Variants in EPS8 observed in about 807,000 individuals in gnomAD.
EPS8 encodes EGFR pathway substrate 8, signaling adaptor.
A neutral mutation model predicts 103.8 loss-of-function variants in EPS8; 42 were observed. The ratio of observed to expected loss-of-function variants is 0.40; its 90% CI spans 0.32 to 0.52. The LOEUF (loss-of-function observed/expected upper bound fraction) is 0.52. EPS8 is among the 20% of genes least tolerant of loss of function. The pLI, the probability that EPS8 is intolerant of heterozygous loss-of-function variation, is 0.40. For synonymous variants in EPS8, 344 were observed against 344.6 expected (o/e 1.00, Z 0.02); for missense variants, 969 against 1,005.1 (o/e 0.96, Z 0.49).
intron 19 of EPS8, 102 bp downstream of exon 19, chr12:15,624,124 GC>G (rs1944904944): frequency 8.0e-6 from 7 of 874,384 alleles, no homozygotes; most frequent in African/African-American, 3.3e-5. Flanking sequence ...TGCAGTCTGT[GC>G]CCTTATGTTT....
Position 15,670,937 on chromosome 12 carries a change from T to C in EPS8, c.137-14A>G. 3 of 1,607,136 alleles carry C rather than the reference T, an allele frequency of 1.9e-6. No homozygotes were observed. The highest frequency in any genetic ancestry group is 2.6e-6 in the Non-Finnish European group (3 of 1,174,226). On this transcript the variant is annotated splice_polypyrimidine_tract_variant and intron_variant, in intron 3 of 20. Transcript: ENST00000281172. ...TCTTCCTTTGTTCTGAAAGAGAAAT[T>C]GAAAAAGCCATGATTTGTCCCCTAA...
In EPS8 at chr12:15,664,585, T is replaced by A. The variant is rs189806159; in HGVS notation, c.736+1171A>T. Reference sequence around the variant, plus strand: ...AGATAACTTCCCAAGACCACACAGGTAGACATATCAGGTCTTGCTTCAGAG... The same window carrying A: ...AGATAACTTCCCAAGACCACACAGGAAGACATATCAGGTCTTGCTTCAGAG... On this transcript the variant is annotated intron_variant, in intron 8 of 20. Transcript: ENST00000281172. Among the ~76,000 whole-genome samples, 10 of 152,322 alleles carry A rather than the reference T, an allele frequency of 6.6e-5. No individual in the cohort carries two copies. The East Asian group carries it at 1.2e-3, about 18-fold the overall frequency.
chr12:15,650,976 T>G lies in EPS8; in HGVS notation c.1281A>C (p.Pro427=). Residue 427 remains proline, a synonymous_variant, in exon 14 of 21, where the codon CCA becomes CCC. Coordinates refer to ENST00000281172, the MANE Select transcript of EPS8 (RefSeq NM_004447.6). ...CATTGCGGAATCGTGGAACATATGG[T>G]GGAATAAACTGTTCTTTTGGCCACT... The part of the protein sequence containing the change: ...RAEWPKEQFI[P]PYVPRFRNGW... 6.2e-7 allele frequency: 1 copy of G among 1,613,976 alleles called. No individual in the cohort carries two copies. Among genetic ancestry groups the G allele is most frequent in the Non-Finnish European group, 8.5e-7 (1 of 1,179,986 alleles).
rs1947107573 is a variant in EPS8 at position 15,767,214 on chromosome 12, A to G, written c.-22+21947T>C. Among the ~76,000 whole-genome samples, 1 of 152,210 alleles carries G rather than the reference A, an allele frequency of 6.6e-6. No homozygotes were observed. Among genetic ancestry groups the G allele is most frequent in the South Asian group, 2.1e-4 (1 of 4,836 alleles). On this transcript the variant is annotated intron_variant, in intron 1 of 20. Transcript: ENST00000281172. This position sits in a 1 kb window ranked among gnomAD's most constrained non-coding sequence, Gnocchi z 5.5. The stretch of plus-strand genomic sequence containing the variant: ...AAATAATATTGTTCAAAATATATCA[A>G]TGTTAATAAGAAGTTTACAAATTGG...
At chr12:15,668,848 G>A (rs2135845147) in intron 6 of EPS8, among the ~76,000 whole-genome samples, 1 of 152,202 alleles carries the variant, frequency 6.6e-6, no homozygotes, top group African/African-American at 2.4e-5. Context: ...TAAGGCATTT[G>A]ATGTGAATTT....
At position 15,698,525 on chromosome 12, in the gene EPS8, A is replaced by G. The variant is rs1234601419; in HGVS notation, c.-21-15553T>C. On this transcript the variant is annotated intron_variant, in intron 1 of 20. Coordinates refer to ENST00000281172, the MANE Select transcript of EPS8 (RefSeq NM_004447.6). This position sits in a 1 kb window ranked among gnomAD's most constrained non-coding sequence, Gnocchi z 4.9. ...CCAGCCAACTTCCTTATTTTCCTCA[A>G]ATGGAGTGGAAAAATAAATCTTCAT... Among the ~76,000 whole-genome samples the G allele has an allele frequency of 6.7e-6, 1 of 148,212 alleles. No individual in the cohort carries two copies. The highest frequency in any genetic ancestry group is 1.5e-5 in the Non-Finnish European group (1 of 67,480).
In EPS8 at chr12:15,760,405, A is replaced by C. The variant is rs1947029472; in HGVS notation, c.-22+28756T>G. ...GAAGAATTAATACGAATCCTACTCA[A>C]ACTATTCTGAAAACATAGAGGAGAG... is the stretch of plus-strand genomic sequence containing the variant. On this transcript the variant is annotated intron_variant, in intron 1 of 20. Coordinates refer to ENST00000281172, the MANE Select transcript of EPS8 (RefSeq NM_004447.6). This position sits in a 1 kb window ranked among gnomAD's most constrained non-coding sequence, Gnocchi z 4.5. Among the ~76,000 whole-genome samples, 1 of 152,108 alleles carries C rather than the reference A, an allele frequency of 6.6e-6. No individual in the cohort carries two copies.
At position 15,628,745 on chromosome 12, in the gene EPS8, G is replaced by C. The variant is rs148649034; in HGVS notation, c.2044+2697C>G. ...CCCTGTTCATAGCTGCTACTTGATA[G>C]ATTTCTATGAGTATTTACTTCCTAG... On this transcript the variant is annotated intron_variant, in intron 18 of 20. Transcript: ENST00000281172. Among the ~76,000 whole-genome samples, 21 of 152,298 alleles carry C rather than the reference G, an allele frequency of 1.4e-4. 1 individual carries two copies. The East Asian group carries it at 3.7e-3, about 27-fold the overall frequency.
intron 10 of EPS8, among the ~76,000 whole-genome samples, chr12:15,659,404 C>T (rs1376585853): frequency 6.6e-6 from 1 of 151,982 alleles, no homozygotes; most frequent in East Asian, 1.9e-4. Flanking sequence ...AAACTGGATA[C>T]AGGAGATGTT....
chr12:15,640,971 T>C, intron 16 of EPS8, 125 bp from the exon 17 acceptor site: 1 of 735,878 alleles, frequency 1.4e-6, no homozygotes, highest in Non-Finnish European at 2.2e-6. Flanking sequence ...CAACATAGTG[T>C]TGATTGAATG....
At chr12:15,679,589 C>T (rs1945968948) in intron 3 of EPS8, among the ~76,000 whole-genome samples, 1 of 152,186 alleles carries the variant, frequency 6.6e-6, no homozygotes, top group Non-Finnish European at 1.5e-5. Flanking sequence ...CCCTGAAATG[C>T]TGAAGAACAC....
At chr12:15,634,279 C>T (rs1048037561) in intron 17 of EPS8, among the ~76,000 whole-genome samples, 1 of 152,198 alleles carries the variant, frequency 6.6e-6, no homozygotes, top group Non-Finnish European at 1.5e-5. Context: ...CTTCCTTACT[C>T]TTGCCTGTGA....
chr12:15,624,179 A>G (rs1944905813), intron 19 of EPS8, 48 bp downstream of exon 19: 1 of 1,461,478 alleles, frequency 6.8e-7, no homozygotes, highest in African/African-American at 1.4e-5. Context: ...ATTGAAAACA[A>G]TGCATGTTGT....
At chr12:15,683,574 A>G (rs1417719885) in intron 1 of EPS8, 1 of 152,178 alleles carries the variant, frequency 6.6e-6, no homozygotes, top group Non-Finnish European at 1.5e-5. Flanking sequence ...CCTTTTTTCA[A>G]GAAACTTTTC....
intron 1 of EPS8, among the ~76,000 whole-genome samples, chr12:15,711,572 G>C (rs1186502298): frequency 2.0e-5 from 3 of 152,060 alleles, no homozygotes; most frequent in Non-Finnish European, 4.4e-5. Flanking sequence ...GAACATATAT[G>C]GAGATTTACA....
At chr12:15,786,325 T>G (rs2136061399) in intron 1 of EPS8, among the ~76,000 whole-genome samples, 1 of 152,118 alleles carries the variant, frequency 6.6e-6, no homozygotes, top group African/African-American at 2.4e-5. Context: ...CCAATGCAAA[T>G]GTATTCTACA....
rs1181288089 is a variant in EPS8, at chr12:15,769,239, A to G, written c.-22+19922T>C. Among the ~76,000 whole-genome samples the G allele has an allele frequency of 1.3e-5, 2 of 152,236 alleles. No homozygotes were observed. The highest frequency in any genetic ancestry group is 2.9e-5 in the Non-Finnish European group (2 of 68,036). The stretch of plus-strand genomic sequence containing the variant: ...ATAAATTGACATATGCTTAACAAAA[A>G]GCACACAAAAAATAAGAGATACAAT... On this transcript the variant is annotated intron_variant, in intron 1 of 20. Coordinates refer to ENST00000281172, the MANE Select transcript of EPS8 (RefSeq NM_004447.6). This position sits in a 1 kb window ranked among gnomAD's most constrained non-coding sequence, Gnocchi z 4.6.
Position 15,665,836 on chromosome 12 carries a change from G to C in EPS8, c.656C>G (p.Ala219Gly), listed in dbSNP as rs576654038. The C allele has an allele frequency of 6.2e-7, 1 of 1,613,722 alleles. No individual in the cohort carries two copies. The highest frequency in any genetic ancestry group is 2.2e-5 in the East Asian group (1 of 44,854). Residue 219 changes from alanine (A) to glycine (G), a missense_variant, in exon 8 of 21, where the codon GCG becomes GGG. Ala to Gly is a moderately conservative substitution (Grantham distance 60, BLOSUM62 0). Transcript: ENST00000281172. ...IPPPPRAPAPAPPGTVTQVDV... is the reference protein window; with the variant it reads ...IPPPPRAPAPGPPGTVTQVDV... The stretch of plus-strand genomic sequence containing the variant: ...CACCTGGGTGACGGTCCCAGGGGGC[G>C]CAGGGGCAGGAGCTCTGGGTGGAGG...
Position 15,623,196 on chromosome 12 carries a change from C to G in EPS8, c.2317G>C (p.Val773Leu). The change falls in exon 20 of 21, where the codon GTC (valine) becomes CTC (leucine). Residue 773 changes from valine (V) to leucine (L), a missense_variant. Physicochemically the swap from Val to Leu is conservative, Grantham distance 32. Transcript: ENST00000281172. ...TTTTGTACAGTGATTTGGCTATAGACTCTCGCCCCTTCAGGGCAGACTGTC... is the reference window on the plus strand; with the variant it reads ...TTTTGTACAGTGATTTGGCTATAGAGTCTCGCCCCTTCAGGGCAGACTGTC... ...LRTVCPEGAR[V>L]YSQITVQKAA... 6.2e-7 allele frequency: 1 copy of G among 1,612,978 alleles called. No individual in the cohort carries two copies. The highest frequency in any genetic ancestry group is 8.5e-7 in the Non-Finnish European group (1 of 1,179,576).
Sources: gnomAD v4.1 joint callset for allele counts (sites outside exome capture counted in the v4.1 genomes callset) on GRCh38, gnomAD v4.1.1 for gene constraint, Gnocchi (gnomAD v3.1) non-coding constraint, MANE v1.5 for transcripts, NCBI Gene and HGNC (gene_info 2026-07-23, HGNC 2026-07-21) for gene names.